The following PRKAG2 variants were observed in gnomAD, a reference collection of about 807,000 sequenced individuals.
The protein encoded by PRKAG2 is protein kinase AMP-activated non-catalytic subunit gamma 2, also known as 5'-AMP-activated protein kinase subunit gamma-2.
Under a neutral mutation model 69.6 loss-of-function variants are expected in PRKAG2, and 26 were observed. The ratio of observed to expected loss-of-function variants is 0.37; its 90% CI spans 0.27 to 0.52. The LOEUF (loss-of-function observed/expected upper bound fraction) is 0.52. Among genes scored for constraint, PRKAG2 ranks in the 20% least tolerant of loss-of-function variants. The probability of loss-of-function intolerance (pLI) is 0.90; values close to 1 mark genes in which losing one functional copy is unlikely to be tolerated. For missense variants in PRKAG2, 557 were observed against 740.0 expected (o/e 0.75, Z 2.87); for synonymous variants, 293 against 285.0 (o/e 1.03, Z -0.28).
intron 3 of PRKAG2, among the ~76,000 whole-genome samples, chr7:151,696,121 C>T (rs1311566277): frequency 6.6e-6 from 1 of 152,240 alleles, no homozygotes; most frequent in African/African-American, 2.4e-5. Context: ...CCTGCCAGGG[C>T]TGCCAGGAGC....
intron 3 of PRKAG2, among the ~76,000 whole-genome samples, chr7:151,727,770 G>A (rs1272744858): frequency 2.0e-5 from 3 of 152,192 alleles, no homozygotes; most frequent in Non-Finnish European, 4.4e-5. Context: ...CCCCTGGGAG[G>A]CGCAGGGCAG....
At chr7:151,623,401 G>A (rs12673539) in intron 5 of PRKAG2, among the ~76,000 whole-genome samples, 32,080 of 125,740 alleles carry the variant, frequency 0.26, 4,605 homozygotes, top group South Asian at 0.36. Flanking sequence ...AGCTCATAAA[G>A]AGTGTGCAAC....
chr7:151,698,801 C>A (rs893945369), intron 3 of PRKAG2, among the ~76,000 whole-genome samples: 1 of 152,188 alleles, frequency 6.6e-6, no homozygotes, highest in African/African-American at 2.4e-5. Context: ...ACCCTTGTCA[C>A]CAGCTCTGCT....
intron 1 of PRKAG2, among the ~76,000 whole-genome samples, chr7:151,832,201 T>G (rs1257497049): frequency 2.2e-5 from 3 of 134,660 alleles, no homozygotes; most frequent in South Asian, 2.4e-4. Flanking sequence ...AGTGACTGAT[T>G]AGAGGGAGGA....
At chr7:151,806,585 T>G in intron 1 of PRKAG2, 2 of 173,822 alleles carry the variant, frequency 1.2e-5, no homozygotes, top group Non-Finnish European at 2.5e-5. Context: ...ATGAAGAAAT[T>G]ACTAATTAAC....
chr7:151,602,059 G>C (rs1376624215), intron 5 of PRKAG2, among the ~76,000 whole-genome samples: 1 of 152,264 alleles, frequency 6.6e-6, no homozygotes, highest in African/African-American at 2.4e-5. Context: ...GCTCTCATGA[G>C]AGCGGCACAG....
At chr7:151,644,625 C>A (rs1827266547) in intron 4 of PRKAG2, among the ~76,000 whole-genome samples, 1 of 152,120 alleles carries the variant, frequency 6.6e-6, no homozygotes, top group Non-Finnish European at 1.5e-5. Context: ...ACTTTTTGAC[C>A]ATTGGGAATA....
rs138025833 is a variant in PRKAG2 at position 151,856,788 on chromosome 7, C to A, written c.114+19719G>T. ...TGCCTCATCAGCCACGTGGCCGCCA[C>A]AGGGAAGAGAACTGGATCGCAAGGC... On this transcript the variant is annotated intron_variant, in intron 1 of 15. Transcript: ENST00000287878. 2.4e-3 allele frequency among the ~76,000 whole-genome samples: 362 copies of A among 152,236 alleles called. 4 individuals are homozygous for A. The highest frequency in any genetic ancestry group is 0.018 in the Admixed American group (269 of 15,294).
At chr7:151,557,899 C>T (rs866339932) in intron 15 of PRKAG2, 1 of 939,780 alleles carries the variant, frequency 1.1e-6, no homozygotes, top group Non-Finnish European at 1.3e-6. Flanking sequence ...AACAAAAAAA[C>T]AAAAAAAAAA....
chr7:151,789,550 C>T (rs748497556), intron 1 of PRKAG2, among the ~76,000 whole-genome samples: 22 of 149,474 alleles, frequency 1.5e-4, no homozygotes, highest in Non-Finnish European at 3.1e-4. Context: ...AGCCTCATCA[C>T]GTCAGCCCCC....
intron 3 of PRKAG2, among the ~76,000 whole-genome samples, chr7:151,706,349 C>G (rs1378037306): frequency 6.6e-6 from 1 of 152,224 alleles, no homozygotes; most frequent in Non-Finnish European, 1.5e-5. Context: ...CCACTCATAG[C>G]CCAGGACTGG....
chr7:151,859,267 G>A (rs991946217), intron 1 of PRKAG2, among the ~76,000 whole-genome samples: 2 of 152,252 alleles, frequency 1.3e-5, no homozygotes, highest in Non-Finnish European at 2.9e-5. Context: ...CAGACGGGGC[G>A]GGGCGAGGTG....
intron 1 of PRKAG2, among the ~76,000 whole-genome samples, chr7:151,797,874 G>A (rs772448832): frequency 3.9e-5 from 6 of 152,192 alleles, no homozygotes; most frequent in Non-Finnish European, 1.5e-5. Context: ...CTTGTCAGTG[G>A]ATTATGAAAT....
At chr7:151,847,813 T>C (rs1039863221) in intron 1 of PRKAG2, among the ~76,000 whole-genome samples, 32 of 152,120 alleles carry the variant, frequency 2.1e-4, no homozygotes, top group Non-Finnish European at 5.9e-5. Context: ...CCCTGTGAGG[T>C]TGGCGCCCGG....
In PRKAG2 at chr7:151,807,163, CTG is replaced by C. The variant is rs1166117156; in HGVS notation, c.115-20624_115-20623del. 4 of 369,650 alleles carry C rather than the reference CTG, an allele frequency of 1.1e-5. No homozygotes were observed. The highest frequency in any genetic ancestry group is 6.1e-5 in the South Asian group (3 of 48,960). 22.9% of individuals were successfully genotyped at this position (369,650 alleles called of 1,614,324 possible). ...TCACACTGTGGCGGTGGTCACATGA[CTG>C]TGCACACTTACGACAACCCATCTAA... On this transcript the variant is annotated intron_variant, in intron 1 of 15. Transcript: ENST00000287878. This position sits in a 1 kb window ranked among gnomAD's most constrained non-coding sequence, Gnocchi z 4.4.
At chr7:151,853,809 C>T (rs111227656) in intron 1 of PRKAG2, among the ~76,000 whole-genome samples, 3 of 150,726 alleles carry the variant, frequency 2.0e-5, no homozygotes, top group Non-Finnish European at 4.4e-5. Flanking sequence ...CGCAGTTTAA[C>T]CTAATATTAT....
At chr7:151,838,056 C>T (rs937902387) in intron 1 of PRKAG2, among the ~76,000 whole-genome samples, 4 of 152,112 alleles carry the variant, frequency 2.6e-5, no homozygotes, top group African/African-American at 7.2e-5. Context: ...ACCTGGGCCT[C>T]GGGAACAGGC....
At chr7:151,644,138 G>T (rs1056147224) in intron 4 of PRKAG2, among the ~76,000 whole-genome samples, 1 of 152,170 alleles carries the variant, frequency 6.6e-6, no homozygotes, top group African/African-American at 2.4e-5. Flanking sequence ...AGAGTATACT[G>T]CTCGGGTGAT....
At chr7:151,655,272 C>T (rs985291341) in intron 4 of PRKAG2, among the ~76,000 whole-genome samples, 3 of 152,192 alleles carry the variant, frequency 2.0e-5, no homozygotes, top group African/African-American at 7.2e-5. Flanking sequence ...CTCTGTGCGG[C>T]ATTGCTTTTT....
Sources: gnomAD v4.1 joint callset for allele counts (sites outside exome capture counted in the v4.1 genomes callset) on GRCh38, gnomAD v4.1.1 for gene constraint, Gnocchi (gnomAD v3.1) non-coding constraint, MANE v1.5 for transcripts, NCBI Gene and HGNC (gene_info 2026-07-23, HGNC 2026-07-21) for gene names.